The following ASH1L variants were observed in gnomAD, a reference collection of about 807,000 sequenced individuals.
The protein encoded by ASH1L is ASH1 like histone lysine methyltransferase, also known as histone-lysine N-methyltransferase ASH1L.
Under a neutral mutation model 269.0 loss-of-function variants are expected in ASH1L, and 23 were observed. The observed-to-expected ratio is 0.09, with a 90% CI of 0.06 to 0.12. The LOEUF (loss-of-function observed/expected upper bound fraction) is 0.12. Ranked by LOEUF, ASH1L falls within the 10% of genes least tolerant of loss-of-function variation. The pLI, the probability that ASH1L is intolerant of heterozygous loss-of-function variation, is 1.00. For synonymous variants in ASH1L, 1,187 were observed against 1,253.5 expected (o/e 0.95, Z 1.12); for missense variants, 2,912 against 3,567.8 (o/e 0.82, Z 4.68).
At chr1:155,363,274 C>T (rs774077289) in intron 12 of ASH1L, among the ~76,000 whole-genome samples, 9 of 151,924 alleles carry the variant, frequency 5.9e-5, no homozygotes, top group South Asian at 2.1e-4. Context: ...TGAGCCACCG[C>T]GCCTGGCTAA....
intron 4 of ASH1L, among the ~76,000 whole-genome samples, chr1:155,439,566 G>A (rs968653819): frequency 1.3e-5 from 2 of 152,058 alleles, no homozygotes; most frequent in African/African-American, 4.8e-5. Context: ...CAGGCATGCT[G>A]GCTGAAACCT....
At chr1:155,557,178 T>C (rs1281008496) in intron 1 of ASH1L, among the ~76,000 whole-genome samples, 1 of 152,136 alleles carries the variant, frequency 6.6e-6, no homozygotes, top group East Asian at 1.9e-4. Context: ...CATGAAAACT[T>C]AGCTGTTCAA....
intron 6 of ASH1L, among the ~76,000 whole-genome samples, chr1:155,406,232 A>C (rs1659280652): frequency 6.6e-6 from 1 of 151,890 alleles, no homozygotes; most frequent in Non-Finnish European, 1.5e-5. Flanking sequence ...AAAGATGACA[A>C]AACTTCCCAA....
rs566016191 is a variant in ASH1L at position 155,425,187 on chromosome 1, C to T, written c.5829-9264G>A. Among the ~76,000 whole-genome samples the T allele has an allele frequency of 1.2e-4, 18 of 151,670 alleles. No individual in the cohort carries two copies. In the South Asian group the frequency reaches 3.1e-3, roughly 26 times the overall value. Reference sequence around the variant, plus strand: ...GTCACCATGTTGGTCAGGCTGGTCTCGAACTCGAACTCCTGACCTCAAGTG... The same window carrying T: ...GTCACCATGTTGGTCAGGCTGGTCTTGAACTCGAACTCCTGACCTCAAGTG... On this transcript the variant is annotated intron_variant, in intron 5 of 27. Transcript: ENST00000392403.
intron 12 of ASH1L, among the ~76,000 whole-genome samples, chr1:155,361,422 C>A (rs1017656966): frequency 2.1e-5 from 3 of 142,332 alleles, no homozygotes; most frequent in Non-Finnish European, 4.5e-5. Context: ...GAGGTTGAGG[C>A]AGGAGAATAG....
intron 17 of ASH1L, 111 bp from the exon 18 acceptor site, chr1:155,349,707 GTCTT>G: frequency 9.5e-6 from 4 of 422,730 alleles, no homozygotes; most frequent in South Asian, 2.6e-5. Context: ...AAAAATCCAA[GTCTT>G]TTTTTTTTTT....
intron 4 of ASH1L, among the ~76,000 whole-genome samples, chr1:155,458,721 C>T (rs896497667): frequency 1.1e-4 from 16 of 146,616 alleles, no homozygotes; most frequent in Admixed American, 1.1e-3. Flanking sequence ...ATCTCAAAAC[C>T]AACCAACCAA....
intron 1 of ASH1L, among the ~76,000 whole-genome samples, chr1:155,547,121 T>A (rs1174592992): frequency 6.6e-6 from 1 of 151,140 alleles, no homozygotes; most frequent in Non-Finnish European, 1.5e-5. Flanking sequence ...CCCAGCTAAT[T>A]TTTGTATTTT....
chr1:155,508,444 G>T (rs1230082873), intron 2 of ASH1L, among the ~76,000 whole-genome samples: 1 of 152,118 alleles, frequency 6.6e-6, no homozygotes, highest in Non-Finnish European at 1.5e-5. Flanking sequence ...TTCGAGACAT[G>T]CCTAGCCAAC....
intron 26 of ASH1L, among the ~76,000 whole-genome samples, chr1:155,338,652 G>A (rs1041539890): frequency 3.3e-5 from 5 of 152,064 alleles, no homozygotes; most frequent in Admixed American, 2.0e-4. Flanking sequence ...AATATACAAG[G>A]GCTAATAAAA....
Position 155,344,205 on chromosome 1 carries a change from T to G in ASH1L, c.7959A>C (p.Arg2653=), listed in dbSNP as rs754185073. The change falls in exon 22 of 28, where the codon CGA becomes CGC. Residue 2653 remains arginine (R), a synonymous_variant. Transcript: ENST00000392403. ...TACCCTGACGAAGCAGCAAGTCATC[T>G]CGGAGCAAACAGATGAAGTAGACAC... ...PGCVYFICLL[R]DDLLLRQGDC... The G allele has an allele frequency of 2.7e-5, 43 of 1,614,002 alleles. No homozygotes were observed. Among genetic ancestry groups the G allele is most frequent in the Non-Finnish European group, 3.6e-5 (42 of 1,180,030 alleles).
At chr1:155,364,922 T>TAAA (rs60237031) in intron 12 of ASH1L, among the ~76,000 whole-genome samples, 6 of 107,170 alleles carry the variant, frequency 5.6e-5, no homozygotes, top group Admixed American at 2.0e-4. Flanking sequence ...AGCTCTGTCT[T>TAAA]AAAAAAAAAA....
intron 5 of ASH1L, among the ~76,000 whole-genome samples, chr1:155,421,597 G>A (rs1660689354): frequency 6.6e-6 from 1 of 151,372 alleles, no homozygotes; most frequent in East Asian, 1.9e-4. Context: ...CATGAACCCG[G>A]GAGGCAGAGG....
At position 155,370,768 on chromosome 1, in the gene ASH1L, C is replaced by T; in HGVS notation, c.6539+9G>A. The T allele has an allele frequency of 6.2e-7, 1 of 1,614,136 alleles. No homozygotes were observed. Among genetic ancestry groups the T allele is most frequent in the South Asian group, 1.1e-5 (1 of 91,082 alleles). On this transcript the variant is annotated intron_variant, in intron 11 of 27. Transcript: ENST00000392403. ...CATTTTATTAGAGTATCATCATTTA[C>T]CACCGTACCTGAACTCCTGTTCACT...
chr1:155,400,842 G>A (rs187766168), intron 6 of ASH1L, among the ~76,000 whole-genome samples: 189 of 152,148 alleles, frequency 1.2e-3, no homozygotes, highest in Middle Eastern at 3.4e-3. Flanking sequence ...AGGGAGAGAC[G>A]GTCCAGACCC....
intron 4 of ASH1L, chr1:155,440,638 C>T: frequency 5.5e-6 from 2 of 362,202 alleles, no homozygotes; most frequent in Non-Finnish European, 7.7e-6. Flanking sequence ...TTTTCTCCAA[C>T]CTTTAAATGC....
At chr1:155,527,202 C>T (rs981063321) in intron 1 of ASH1L, among the ~76,000 whole-genome samples, 5 of 151,358 alleles carry the variant, frequency 3.3e-5, no homozygotes, top group Admixed American at 6.6e-5. Context: ...AGCGAGACTC[C>T]GTCTCAAAAA....
At chr1:155,465,684 C>T (rs1399226869) in intron 3 of ASH1L, among the ~76,000 whole-genome samples, 1 of 152,158 alleles carries the variant, frequency 6.6e-6, no homozygotes, top group Non-Finnish European at 1.5e-5. Context: ...GATTTCTCTT[C>T]TTTCATTATT....
intron 22 of ASH1L, 104 bp downstream of exon 22, chr1:155,344,079 A>G (rs1653028743): frequency 5.0e-6 from 5 of 991,728 alleles, no homozygotes; most frequent in Admixed American, 4.4e-5. Context: ...TTCTATTGCT[A>G]TTCGAGGCCG....
Sources: allele counts gnomAD v4.1 joint callset (sites outside exome capture counted in the v4.1 genomes callset), GRCh38; gene constraint gnomAD v4.1.1; transcripts MANE v1.5; gene names NCBI Gene and HGNC (gene_info 2026-07-23, HGNC 2026-07-21).